Variants in TMC7 observed in about 807,000 individuals in gnomAD.
The protein encoded by TMC7 is transmembrane channel-like protein 7.
A neutral mutation model predicts 82.9 loss-of-function variants in TMC7; 54 were observed. The ratio of observed to expected loss-of-function variants is 0.65; its 90% confidence interval spans 0.52 to 0.82. The LOEUF (loss-of-function observed/expected upper bound fraction) is 0.82, where lower values mean the gene tolerates loss of function less well. TMC7 is among the 40% of genes least tolerant of loss of function. The pLI, the probability that TMC7 is intolerant of heterozygous loss-of-function variation, is 0.00. For missense variants in TMC7, 820 were observed against 901.2 expected, an observed-to-expected ratio of 0.91 and a Z score of 1.15; for synonymous variants, 350 against 337.9, an observed-to-expected ratio of 1.04 and a Z score of -0.39.
At chr16:19,020,033 G>A (rs1006257025) in intron 3 of TMC7, among the ~76,000 whole-genome samples, 10 of 151,996 alleles carry the variant, frequency 6.6e-5, no homozygotes, top group African/African-American at 1.7e-4. Flanking sequence ...ATTATCTAGC[G>A]GAAGGTTGGT....
intron 13 of TMC7, among the ~76,000 whole-genome samples, chr16:19,054,895 C>T (rs1357942656): frequency 6.6e-6 from 1 of 151,786 alleles, no homozygotes; most frequent in African/African-American, 2.4e-5. Context: ...CAGGCACGTG[C>T]TGCCACTACG....
At position 18,984,085 on chromosome 16, in the gene TMC7, G is replaced by A; in HGVS notation, c.22G>A (p.Ala8Thr). 6.7e-7 allele frequency: 1 copy of A among 1,500,944 alleles called. No homozygotes were observed. The highest frequency in any genetic ancestry group is 2.1e-5 in the Admixed American group (1 of 47,162). 93.0% of individuals were successfully genotyped at this position (1,500,944 alleles called of 1,614,324 possible). A position where few individuals can be genotyped will look rare whatever the true frequency, so the allele number is the denominator to read the frequency against. ...GGCCATGAGCGAGTCCAGCGGCAGT[G>A]CGCTCCAGCCCGGCAGGCCCAGCCG... MSESSGS[A>T]LQPGRPSRQP... is the part of the protein sequence containing the mutation. The change falls in exon 1 of 16, where the codon GCG becomes ACG. Residue 8 changes from alanine (A) to threonine (T), a missense_variant. Around this residue, in one of 2 missense-constraint regions of TMC7, gnomAD observed 650 missense variants for 669.9 expected, o/e 0.97. Coordinates refer to ENST00000304381, the MANE Select transcript of TMC7 (RefSeq NM_024847.4).
intron 11 of TMC7, among the ~76,000 whole-genome samples, chr16:19,046,265 A>T (rs148262571): frequency 5.3e-5 from 8 of 152,288 alleles, no homozygotes; most frequent in African/African-American, 1.9e-4. Flanking sequence ...TGGGCAAGTT[A>T]TTTAAGCTCT....
intron 7 of TMC7, 46 bp from the exon 8 acceptor site, chr16:19,037,828 A>G (rs1960825482): frequency 1.0e-5 from 16 of 1,564,484 alleles, no homozygotes; most frequent in Non-Finnish European, 1.4e-5. Flanking sequence ...ATCCCTGAGT[A>G]TCCCTTCATC....
At chr16:18,997,873 G>A (rs370261071) in intron 1 of TMC7, among the ~76,000 whole-genome samples, 7 of 151,884 alleles carry the variant, frequency 4.6e-5, no homozygotes, top group African/African-American at 1.7e-4. Flanking sequence ...GGGACTACAG[G>A]CACCCACCAC....
chr16:19,010,451 G>A (rs1374022309), intron 2 of TMC7, among the ~76,000 whole-genome samples: 1 of 152,126 alleles, frequency 6.6e-6, no homozygotes, highest in East Asian at 1.9e-4. Flanking sequence ...ACCGTGCCTG[G>A]CAGAAGTTTA....
chr16:19,044,573 G>A (rs1193113189), intron 9 of TMC7, among the ~76,000 whole-genome samples: 1 of 151,834 alleles, frequency 6.6e-6, no homozygotes, highest in Non-Finnish European at 1.5e-5. Context: ...CCCAAGACAG[G>A]CGGATTGCTT....
intron 12 of TMC7, 132 bp from the exon 13 acceptor site, chr16:19,051,554 C>G: frequency 1.0e-6 from 1 of 990,120 alleles, no homozygotes; most frequent in South Asian, 1.8e-5. Flanking sequence ...TCATTTTGAT[C>G]TGTATTGCTG....
intron 1 of TMC7, among the ~76,000 whole-genome samples, chr16:18,991,275 C>G (rs765452683): frequency 2.0e-5 from 3 of 152,032 alleles, no homozygotes; most frequent in Non-Finnish European, 4.4e-5. Context: ...GACGCAAGGT[C>G]TGAATAAGAG....
intron 1 of TMC7, among the ~76,000 whole-genome samples, chr16:18,986,165 G>A (rs918827103): frequency 1.3e-5 from 2 of 152,098 alleles, no homozygotes; most frequent in Non-Finnish European, 2.9e-5. Context: ...GGAGGCCGTG[G>A]TGGGCAGATC....
At chr16:18,999,826 C>A (rs928808402) in intron 1 of TMC7, among the ~76,000 whole-genome samples, 1 of 152,046 alleles carries the variant, frequency 6.6e-6, no homozygotes, top group African/African-American at 2.4e-5. Context: ...TGCAGTGGCG[C>A]GATCTCGGCT....
rs1327648024 is a variant in TMC7, at chr16:19,047,206, C to T, written c.1697C>T (p.Ala566Val). 1.2e-6 allele frequency: 2 copies of T among 1,613,920 alleles called. No individual in the cohort carries two copies. The highest frequency in any genetic ancestry group is 1.7e-6 in the Non-Finnish European group (2 of 1,179,996). Reference sequence around the variant, plus strand: ...GCCTTTTTCTCACCCCTTCTCCCTGCAATTGCAACCCTGAAATTCATTATC... The same window carrying T: ...GCCTTTTTCTCACCCCTTCTCCCTGTAATTGCAACCCTGAAATTCATTATC... ...IGAFFSPLLP[A>V]IATLKFIIIF... The change falls in exon 12 of 16, where the codon GCA becomes GTA. Residue 566 changes from alanine (A) to valine (V), a missense_variant. This residue lies in a region of TMC7 where 170 missense variants were observed against 231.3 expected (regional missense o/e 0.74). Transcript: ENST00000304381.
At position 19,035,717 on chromosome 16, in the gene TMC7, A is replaced by G. The variant is rs1021894623; in HGVS notation, c.899A>G (p.Glu300Gly). The change falls in exon 7 of 16, where the codon GAG becomes GGG. Residue 300 changes from glutamate to glycine, a missense_variant. Around this residue, in one of 2 missense-constraint regions of TMC7, gnomAD observed 650 missense variants for 669.9 expected, o/e 0.97. Coordinates refer to ENST00000304381, the MANE Select transcript of TMC7 (RefSeq NM_024847.4). ...GFKINLIRSE[E>G]HFQSYCNKIF... ...AAAATCAACCTGATTCGGAGTGAGG[A>G]GCACTTTCAGAGTTACTGCAACAAG... 1.9e-6 allele frequency: 3 copies of G among 1,614,158 alleles called. No homozygotes were observed. Among genetic ancestry groups the G allele is most frequent in the Non-Finnish European group, 2.5e-6 (3 of 1,180,038 alleles).
chr16:19,053,604 T>C (rs1161919791), intron 13 of TMC7, among the ~76,000 whole-genome samples: 1 of 152,138 alleles, frequency 6.6e-6, no homozygotes, highest in Non-Finnish European at 1.5e-5. Flanking sequence ...GGTTTCTCCA[T>C]GTTGGTCAGG....
At chr16:19,021,038 T>A (rs549977005) in intron 3 of TMC7, among the ~76,000 whole-genome samples, 14 of 152,226 alleles carry the variant, frequency 9.2e-5, no homozygotes, top group African/African-American at 3.4e-4. Context: ...ATATGTCACT[T>A]CTCCTCAAAT....
chr16:19,038,825 A>T (rs1005392578), intron 8 of TMC7, among the ~76,000 whole-genome samples: 1 of 152,010 alleles, frequency 6.6e-6, no homozygotes, highest in Non-Finnish European at 1.5e-5. Flanking sequence ...GCCTTAGAGA[A>T]AATTTTAAAA....
At chr16:19,053,141 CCTT>C (rs1961612628) in intron 13 of TMC7, among the ~76,000 whole-genome samples, 1 of 152,056 alleles carries the variant, frequency 6.6e-6, no homozygotes, top group African/African-American at 2.4e-5. Flanking sequence ...AAAAATTGCT[CCTT>C]ATCTTCACCT....
Position 19,035,817 on chromosome 16 carries a change from G to A in TMC7, c.999G>A (p.Glu333=), listed in dbSNP as rs779321292. The change falls in exon 7 of 16, where the codon GAG becomes GAA. Residue 333 remains glutamate (E), a synonymous_variant. Transcript: ENST00000304381. The stretch of plus-strand genomic sequence containing the variant: ...TGAAGCACAGCAGCTTGCGGTACGA[G>A]CTCCGAGTGAGTGCTCCTGAGTTTG... The part of the protein sequence containing the change: ...ADLKHSSLRY[E]LRADLEEERM... 1 of 1,582,958 alleles carries A rather than the reference G, an allele frequency of 6.3e-7. No homozygotes were observed. Among genetic ancestry groups the A allele is most frequent in the Admixed American group, 1.8e-5 (1 of 57,094 alleles).
chr16:19,048,369 G>A (rs1961383292), intron 12 of TMC7, among the ~76,000 whole-genome samples: 1 of 152,046 alleles, frequency 6.6e-6, no homozygotes, highest in Admixed American at 6.6e-5. Context: ...GAGGGATGTA[G>A]CCTTGCAGAT....
Sources: gnomAD v4.1 joint callset for allele counts (sites outside exome capture counted in the v4.1 genomes callset) on GRCh38, gnomAD v4.1.1 for gene constraint, gnomAD v4.1.1 regional missense constraint, MANE v1.5 for transcripts, NCBI Gene and HGNC (gene_info 2026-07-23, HGNC 2026-07-21) for gene names.